Variants in INPP5D observed in about 807,000 individuals in gnomAD.
The protein encoded by INPP5D is phosphatidylinositol 3,4,5-trisphosphate 5-phosphatase 1.
INPP5D carries 33 observed loss-of-function variants against 122.9 expected under a neutral mutation model. That is an observed-to-expected ratio of 0.27 (90% confidence interval 0.20 to 0.36). INPP5D has a LOEUF of 0.36. INPP5D is among the 10% of genes least tolerant of loss of function. INPP5D has a pLI of 1.00. For missense variants in INPP5D, 1,053 were observed against 1,412.7 expected (o/e 0.75, Z 4.08); for synonymous variants, 584 against 576.2 (o/e 1.01, Z -0.19).
Position 233,169,341 on chromosome 2 carries a change from A to G in INPP5D, c.1592A>G (p.Asn531Ser), listed in dbSNP as rs775323433. The change falls in exon 14 of 27, where the codon AAT (asparagine) becomes AGT (serine). Residue 531 changes from asparagine (N) to serine (S), a missense_variant. Around this residue, in one of 6 missense-constraint regions of INPP5D, gnomAD observed 258 missense variants for 439.1 expected, o/e 0.59. Transcript: ENST00000445964. ...KGAVGVSFMFNGTSLGFVNSH... is the reference protein window; with the variant it reads ...KGAVGVSFMFSGTSLGFVNSH... ...GCCGTGGGGGTGTCGTTCATGTTCA[A>G]TGGAACCTCCTTAGGGTTCGTCAAC... The G allele has an allele frequency of 1.5e-5, 24 of 1,606,922 alleles. No homozygotes were observed. Among genetic ancestry groups the G allele is most frequent in the African/African-American group, 9.4e-5 (7 of 74,820 alleles).
chr2:233,138,039 A>G (rs2106271378), intron 5 of INPP5D, among the ~76,000 whole-genome samples: 1 of 148,070 alleles, frequency 6.8e-6, no homozygotes, highest in East Asian at 2.0e-4. Context: ...AGAAAAAAAT[A>G]CAGCACCTAG....
chr2:233,116,222 T>C (rs1286821359), intron 2 of INPP5D, among the ~76,000 whole-genome samples: 2 of 140,804 alleles, frequency 1.4e-5, no homozygotes, highest in African/African-American at 5.9e-5. Flanking sequence ...TGTAGATATA[T>C]ATGTAGATAG....
At chr2:233,182,702 G>T (rs1195557372) in intron 19 of INPP5D, among the ~76,000 whole-genome samples, 1 of 151,956 alleles carries the variant, frequency 6.6e-6, no homozygotes, top group African/African-American at 2.4e-5. Flanking sequence ...TGGCAAGTAT[G>T]TCAGCCTTTT....
chr2:233,079,293 T>A (rs1326627811), intron 1 of INPP5D, 42 bp from the exon 2 acceptor site: 1 of 1,230,804 alleles, frequency 8.1e-7, no homozygotes. Flanking sequence ...GGAAACCGGG[T>A]CTTCCTGCAT....
At chr2:233,118,696 G>A (rs1431664290) in intron 2 of INPP5D, among the ~76,000 whole-genome samples, 1 of 152,202 alleles carries the variant, frequency 6.6e-6, no homozygotes, top group East Asian at 1.9e-4. Flanking sequence ...CCTCAGGTGG[G>A]GTCTGTCCCT....
At chr2:233,129,295 A>G (rs1333230904) in intron 4 of INPP5D, among the ~76,000 whole-genome samples, 1 of 152,250 alleles carries the variant, frequency 6.6e-6, no homozygotes, top group East Asian at 1.9e-4. Flanking sequence ...TCTGAGTCAT[A>G]AAATTGATTT....
In INPP5D at chr2:233,160,856, A is replaced by G. The variant is rs1694180922; in HGVS notation, c.1138-868A>G. 1.3e-5 allele frequency among the ~76,000 whole-genome samples: 2 copies of G among 152,158 alleles called. No individual in the cohort carries two copies. The highest frequency in any genetic ancestry group is 2.9e-5 in the Non-Finnish European group (2 of 68,032). On this transcript the variant is annotated intron_variant, in intron 10 of 26. Coordinates refer to ENST00000445964, the MANE Select transcript of INPP5D (RefSeq NM_001017915.3). The surrounding 1 kb of genome is among the most constrained non-coding windows in gnomAD (Gnocchi z 4.2). ...CCCTATGTTGCCCAGGCTGGTCTCA[A>G]ACTCCTGGGATCAAACAATCCTTCT...
chr2:233,062,878 T>A (rs941035969), intron 1 of INPP5D, among the ~76,000 whole-genome samples: 8 of 152,060 alleles, frequency 5.3e-5, no homozygotes, highest in Non-Finnish European at 1.0e-4. Flanking sequence ...TTACGGAGAT[T>A]TTAAAACTAA....
chr2:233,115,646 G>A (rs1692767916), intron 2 of INPP5D, among the ~76,000 whole-genome samples: 1 of 152,214 alleles, frequency 6.6e-6, no homozygotes, highest in South Asian at 2.1e-4. Context: ...GAGCTCAGGT[G>A]CCAAGCCGTC....
chr2:233,145,957 A>G, intron 6 of INPP5D: 3 of 695,092 alleles, frequency 4.3e-6, no homozygotes, highest in Non-Finnish European at 7.9e-6. Flanking sequence ...GGAAGAAGAA[A>G]TGAAGATCTA....
Position 233,170,055 on chromosome 2 carries a change from G to T in INPP5D, c.1682G>T (p.Arg561Leu). 6.2e-7 allele frequency: 1 copy of T among 1,613,996 alleles called. No individual in the cohort carries two copies. The highest frequency in any genetic ancestry group is 1.1e-5 in the South Asian group (1 of 91,082). Residue 561 changes from arginine (R) to leucine (L), a missense_variant, in exon 15 of 27, where the codon CGG becomes CTG. Arg to Leu is a moderately radical substitution (Grantham distance 102). This residue lies in a region of INPP5D where 258 missense variants were observed against 439.1 expected (regional missense o/e 0.59). Coordinates refer to ENST00000445964, the MANE Select transcript of INPP5D (RefSeq NM_001017915.3). This position sits in a 1 kb window ranked among gnomAD's most constrained non-coding sequence, Gnocchi z 4.5. Reference protein sequence around the residue: ...RRNQNYMNILRFLALGDKKLS... With the variant: ...RRNQNYMNILLFLALGDKKLS... ...AACCAAAACTATATGAACATTCTCC[G>T]GTTCCTGGCCCTGGGCGACAAGAAG...
intron 1 of INPP5D, among the ~76,000 whole-genome samples, 168 bp downstream of exon 1, chr2:233,060,780 C>T (rs116259638): frequency 1.3e-3 from 203 of 152,344 alleles, no homozygotes; most frequent in African/African-American, 4.5e-3. Flanking sequence ...GAGCTGGTCT[C>T]ATGGCAGGTT....
chr2:233,110,813 T>C (rs1031705533), intron 2 of INPP5D, among the ~76,000 whole-genome samples: 2 of 152,030 alleles, frequency 1.3e-5, no homozygotes, highest in Non-Finnish European at 1.5e-5. Context: ...TAGTCCCGGC[T>C]ACTTGGGAAG....
chr2:233,105,609 G>T lies in INPP5D; in HGVS notation c.199-16498G>T, dbSNP rs997412538. On this transcript the variant is annotated intron_variant, in intron 2 of 26. Transcript: ENST00000445964. This position sits in a 1 kb window ranked among gnomAD's most constrained non-coding sequence, Gnocchi z 4.0. ...CCTGATGCCGGGGGCTGAGCCGGGG[G>T]GAAGAGAGCCAGAGGGGAAGGGAAG... 1.6e-4 allele frequency among the ~76,000 whole-genome samples: 25 copies of T among 152,298 alleles called. No homozygotes were observed. Among genetic ancestry groups the T allele is most frequent in the Non-Finnish European group, 3.4e-4 (23 of 68,034 alleles).
intron 21 of INPP5D, among the ~76,000 whole-genome samples, chr2:233,187,954 C>T (rs1436984075): frequency 6.6e-6 from 1 of 152,080 alleles, no homozygotes; most frequent in African/African-American, 2.4e-5. Flanking sequence ...CCCTAGGGCC[C>T]CTGTCTTCCT....
chr2:233,099,483 C>G (rs1692243137), intron 2 of INPP5D, among the ~76,000 whole-genome samples: 1 of 152,218 alleles, frequency 6.6e-6, no homozygotes, highest in Admixed American at 6.5e-5. Flanking sequence ...TGGACTGACA[C>G]TGGTGTGGCC....
At chr2:233,200,579 CT>C (rs746034487) in intron 25 of INPP5D, among the ~76,000 whole-genome samples, 4 of 152,252 alleles carry the variant, frequency 2.6e-5, no homozygotes, top group Non-Finnish European at 4.4e-5. Flanking sequence ...CAGTTCCACC[CT>C]TCCCAGGCCT....
In INPP5D at chr2:233,197,244, G is replaced by C. The variant is rs1390873751; in HGVS notation, c.2694-851G>C. Reference sequence around the variant, plus strand: ...TGGCAGCGTGCAGTGTGTCTGTTGGGGCCACCTTGCCTGGGTCTGGGCCAT... The same window carrying C: ...TGGCAGCGTGCAGTGTGTCTGTTGGCGCCACCTTGCCTGGGTCTGGGCCAT... On this transcript the variant is annotated intron_variant, in intron 24 of 26. Coordinates refer to ENST00000445964, the MANE Select transcript of INPP5D (RefSeq NM_001017915.3). The surrounding 1 kb of genome is among the most constrained non-coding windows in gnomAD (Gnocchi z 4.4). Among the ~76,000 whole-genome samples, 1 of 152,100 alleles carries C rather than the reference G, an allele frequency of 6.6e-6. No homozygotes were observed. The highest frequency in any genetic ancestry group is 1.5e-5 in the Non-Finnish European group (1 of 68,016).
chr2:233,153,531 A>G (rs918323645), intron 9 of INPP5D, among the ~76,000 whole-genome samples: 3 of 152,188 alleles, frequency 2.0e-5, no homozygotes, highest in Non-Finnish European at 4.4e-5. Flanking sequence ...ACGAAACCCT[A>G]AGCAGGTGGA....
Sources: allele counts gnomAD v4.1 joint callset (sites outside exome capture counted in the v4.1 genomes callset), GRCh38; gene constraint gnomAD v4.1.1; regional missense constraint gnomAD v4.1.1; non-coding constraint Gnocchi (gnomAD v3.1); transcripts MANE v1.5; gene names NCBI Gene and HGNC (gene_info 2026-07-23, HGNC 2026-07-21).